Variants in LRRC4C observed in about 807,000 individuals in gnomAD.
The protein encoded by LRRC4C is leucine-rich repeat-containing protein 4C.
A neutral mutation model predicts 33.6 loss-of-function variants in LRRC4C; 5 were observed. That is an observed-to-expected ratio of 0.15 (90% confidence interval 0.08 to 0.31). The LOEUF is 0.31. Ranked by LOEUF, LRRC4C falls within the 10% of genes least tolerant of loss-of-function variation. LRRC4C has a pLI of 1.00. For missense variants in LRRC4C, 560 were observed against 796.7 expected (o/e 0.70, Z 3.58); for synonymous variants, 329 against 302.0 (o/e 1.09, Z -0.93).
chr11:41,333,304 T>TTATG (rs1951352642), intron 1 of LRRC4C, among the ~76,000 whole-genome samples: 1 of 152,202 alleles, frequency 6.6e-6, no homozygotes, highest in Non-Finnish European at 1.5e-5. Flanking sequence ...TCTCCCTTAA[T>TTATG]CATACTGCAT....
intron 5 of LRRC4C, among the ~76,000 whole-genome samples, chr11:40,222,232 T>C (rs1864473712): frequency 6.6e-6 from 1 of 152,178 alleles, no homozygotes. Context: ...GTATCCTTCC[T>C]TTTAGTCACC....
intron 3 of LRRC4C, among the ~76,000 whole-genome samples, chr11:40,543,449 G>A (rs576750701): frequency 3.3e-5 from 5 of 151,956 alleles, no homozygotes; most frequent in Non-Finnish European, 7.4e-5. Context: ...TATAATTCTT[G>A]TGTTTGCCTC....
chr11:40,974,316 G>A lies in LRRC4C; in HGVS notation c.-495-40593C>T, dbSNP rs139052315. On this transcript the variant is annotated intron_variant, in intron 1 of 6. Transcript: ENST00000528697. ...CAGATGAAGATTTTCTTGGCCTCCT[G>A]GCTCAGAATTTAGTACATTTCTATT... 5.9e-5 allele frequency among the ~76,000 whole-genome samples: 9 copies of A among 152,150 alleles called. No individual in the cohort carries two copies. The East Asian group carries it at 1.6e-3, about 26-fold the overall frequency.
At chr11:40,670,565 C>T (rs1944038580) in intron 2 of LRRC4C, among the ~76,000 whole-genome samples, 1 of 152,052 alleles carries the variant, frequency 6.6e-6, no homozygotes, top group Non-Finnish European at 1.5e-5. Context: ...CAGCAATACA[C>T]CTTTTTGAAA....
At chr11:40,933,398 C>A (rs892027675) in intron 2 of LRRC4C, among the ~76,000 whole-genome samples, 5 of 152,236 alleles carry the variant, frequency 3.3e-5, no homozygotes, top group African/African-American at 1.2e-4. Context: ...AATTTACAAA[C>A]ATGGACTATT....
intron 1 of LRRC4C, among the ~76,000 whole-genome samples, chr11:41,350,142 C>T (rs752382089): frequency 1.3e-5 from 2 of 152,188 alleles, no homozygotes; most frequent in Non-Finnish European, 2.9e-5. Flanking sequence ...ATAGTTTTGA[C>T]CTCAGTGACT....
intron 2 of LRRC4C, among the ~76,000 whole-genome samples, chr11:40,667,945 G>A (rs907470105): frequency 6.6e-6 from 1 of 152,144 alleles, no homozygotes; most frequent in Non-Finnish European, 1.5e-5. Context: ...TTCTGCATAG[G>A]TAACTAAAAC....
intron 3 of LRRC4C, among the ~76,000 whole-genome samples, chr11:40,593,014 T>G (rs1022960619): frequency 6.6e-6 from 1 of 152,206 alleles, no homozygotes; most frequent in Non-Finnish European, 1.5e-5. Flanking sequence ...GATGTGCTTT[T>G]GAAGAGAGTA....
At chr11:41,385,166 G>T (rs1953308731) in intron 1 of LRRC4C, among the ~76,000 whole-genome samples, 1 of 151,028 alleles carries the variant, frequency 6.6e-6, no homozygotes, top group African/African-American at 2.4e-5. Flanking sequence ...TGTCAATTGG[G>T]AGATTCTCTC....
At chr11:41,278,536 G>A (rs1486187236) in intron 1 of LRRC4C, among the ~76,000 whole-genome samples, 1 of 152,176 alleles carries the variant, frequency 6.6e-6, no homozygotes, top group East Asian at 1.9e-4. Context: ...TTGAAAAAAT[G>A]TTCTAATGTT....
chr11:40,611,723 T>C (rs1274094746), intron 3 of LRRC4C, among the ~76,000 whole-genome samples: 1 of 151,774 alleles, frequency 6.6e-6, no homozygotes, highest in Admixed American at 6.6e-5. Context: ...TAGACCTTTC[T>C]CAAAAAAAGA....
In LRRC4C at chr11:40,156,678, C is replaced by T. The variant is rs1858720479; in HGVS notation, c.-95-15825G>A. Among the ~76,000 whole-genome samples the T allele has an allele frequency of 2.0e-5, 3 of 151,224 alleles. 1 individual carries two copies. Among genetic ancestry groups the T allele is most frequent in the South Asian group, 4.2e-4 (2 of 4,814 alleles). ...CAACCAAACAAACAAAAAAACCCAACAACAACAACACTTAGAATATACCTA... is the reference window on the plus strand; with the variant it reads ...CAACCAAACAAACAAAAAAACCCAATAACAACAACACTTAGAATATACCTA... On this transcript the variant is annotated intron_variant, in intron 5 of 6. Coordinates refer to ENST00000528697, the MANE Select transcript of LRRC4C (RefSeq NM_001258419.2).
intron 2 of LRRC4C, among the ~76,000 whole-genome samples, chr11:40,881,113 T>C (rs1178723880): frequency 1.3e-5 from 2 of 152,042 alleles, no homozygotes; most frequent in African/African-American, 4.8e-5. Context: ...TATTTGTAAA[T>C]AATACTGTCA....
At chr11:41,218,444 T>A (rs1461658309) in intron 1 of LRRC4C, among the ~76,000 whole-genome samples, 2 of 152,226 alleles carry the variant, frequency 1.3e-5, no homozygotes, top group Non-Finnish European at 2.9e-5. Flanking sequence ...AGCACACCTG[T>A]GATGCACTCA....
intron 5 of LRRC4C, among the ~76,000 whole-genome samples, chr11:40,177,099 G>A (rs1043831865): frequency 1.9e-4 from 29 of 151,610 alleles, no homozygotes; most frequent in African/African-American, 2.7e-4. Flanking sequence ...GACTACAGGC[G>A]CCCGCCACCA....
intron 3 of LRRC4C, among the ~76,000 whole-genome samples, chr11:40,466,938 A>G (rs1277235686): frequency 1.3e-5 from 2 of 152,138 alleles, no homozygotes; most frequent in African/African-American, 4.8e-5. Context: ...AAATGAATAT[A>G]TGATAATTTA....
chr11:40,620,464 C>G, intron 3 of LRRC4C, among the ~76,000 whole-genome samples: 1 of 151,732 alleles, frequency 6.6e-6, no homozygotes, highest in East Asian at 1.9e-4. Flanking sequence ...TCGAAGACCC[C>G]AGATAGCTCC....
intron 1 of LRRC4C, among the ~76,000 whole-genome samples, chr11:41,195,097 C>CA (rs1946125266): frequency 6.6e-6 from 1 of 151,990 alleles, no homozygotes; most frequent in Non-Finnish European, 1.5e-5. Context: ...CTGCTTCAGA[C>CA]ATAGTTTCTC....
chr11:41,445,770 A>G (rs1186081588), intron 1 of LRRC4C, among the ~76,000 whole-genome samples: 1 of 152,074 alleles, frequency 6.6e-6, no homozygotes, highest in Non-Finnish European at 1.5e-5. Context: ...AAAACATACA[A>G]ATTATTTTAT....
Sources: allele counts gnomAD v4.1 joint callset (sites outside exome capture counted in the v4.1 genomes callset), GRCh38; gene constraint gnomAD v4.1.1; transcripts MANE v1.5; gene names NCBI Gene and HGNC (gene_info 2026-07-23, HGNC 2026-07-21).